IGSF11: variants seen among roughly 807,000 people sequenced by gnomAD.
IGSF11 encodes CXADR like 1.
A neutral mutation model predicts 41.0 loss-of-function variants in IGSF11; 22 were observed. The ratio of observed to expected loss-of-function variants is 0.54; its 90% CI spans 0.38 to 0.77. The LOEUF is 0.77. Ranked by LOEUF, IGSF11 falls within the 30% of genes least tolerant of loss-of-function variation. The pLI, the probability that IGSF11 is intolerant of heterozygous loss-of-function variation, is 0.00. For synonymous variants in IGSF11, 219 were observed against 201.3 expected (o/e 1.09, Z -0.74); for missense variants, 444 against 530.8 (o/e 0.84, Z 1.61).
At chr3:119,108,432 T>G (rs1482963865), upstream of IGSF11, among the ~76,000 whole-genome samples, 3 of 149,880 alleles carry the variant, frequency 2.0e-5, no homozygotes, top group Admixed American at 6.7e-5. Context: ...TTTTGTACAT[T>G]GATTTTGTAT....
intron 1 of IGSF11, among the ~76,000 whole-genome samples, chr3:118,933,470 T>TA (rs59418588): frequency 0.27 from 39,370 of 145,958 alleles, 6,119 homozygotes; most frequent in South Asian, 0.42. Context: ...CATGTATTTT[T>TA]TATATATATA....
chr3:118,996,239 T>C (rs1305552420), intron 1 of IGSF11, among the ~76,000 whole-genome samples: 1 of 152,206 alleles, frequency 6.6e-6, no homozygotes, highest in Non-Finnish European at 1.5e-5. Context: ...GTGTTAGCAG[T>C]TTCATATCTC....
intron 1 of IGSF11, among the ~76,000 whole-genome samples, chr3:118,998,856 G>A (rs1193051644): frequency 1.3e-5 from 2 of 151,968 alleles, no homozygotes; most frequent in African/African-American, 2.4e-5. Flanking sequence ...CCTTTACATT[G>A]TAAAACAGTA....
intron 1 of IGSF11, among the ~76,000 whole-genome samples, chr3:118,946,208 A>G (rs1200451240): frequency 1.5e-5 from 2 of 137,194 alleles, no homozygotes; most frequent in Non-Finnish European, 3.3e-5. Context: ...ACACACGCAC[A>G]CACACACACA....
At position 119,123,304 on chromosome 3, in the gene IGSF11, T is replaced by C. The variant is rs1451212740; in HGVS notation, c.-13-18099A>G. Among the ~76,000 whole-genome samples the C allele has an allele frequency of 2.6e-5, 4 of 152,188 alleles. No individual in the cohort carries two copies. The East Asian group carries it at 7.7e-4, about 29-fold the overall frequency. ...AAGAATGGGAAGGACTATGTCTTGT[T>C]GTTTGAGTGCCAGCTCAACAGCAGT... is the stretch of plus-strand genomic sequence containing the variant. On this transcript the variant is annotated intron_variant, in intron 1 of 7. Coordinates refer to the IGSF11 transcript ENST00000425327.
intron 1 of IGSF11, among the ~76,000 whole-genome samples, chr3:118,971,509 T>C (rs569090726): frequency 3.7e-4 from 57 of 152,066 alleles, no homozygotes; most frequent in Admixed American, 3.3e-3. Context: ...ATAAACGATA[T>C]GAAAGTATAG....
chr3:119,040,613 ATTAT>A (rs1941083486), intron 1 of IGSF11, among the ~76,000 whole-genome samples: 1 of 152,238 alleles, frequency 6.6e-6, no homozygotes, highest in Admixed American at 6.5e-5. Flanking sequence ...AACATAGTCA[ATTAT>A]TTTAATAATC....
intron 1 of IGSF11, among the ~76,000 whole-genome samples, chr3:119,093,747 T>A (rs1343627038): frequency 6.6e-6 from 1 of 152,196 alleles, no homozygotes. Context: ...CAGTAAACCA[T>A]TTGCCTTTGA....
intron 1 of IGSF11, among the ~76,000 whole-genome samples, chr3:118,941,054 G>A (rs1407991620): frequency 6.6e-6 from 1 of 151,880 alleles, no homozygotes; most frequent in Non-Finnish European, 1.5e-5. Context: ...CTCTGGGTTA[G>A]AAAAAGCCTT....
At position 119,045,039 on chromosome 3, in the gene IGSF11, G is replaced by A. The variant is rs111615698; in HGVS notation, c.49+60105C>T. ...AACAATCAGCATGATGAATAGAACA[G>A]TACCTCACATCTCAATACTAACACT... is the stretch of plus-strand genomic sequence containing the variant. On this transcript the variant is annotated intron_variant, in intron 1 of 6. Transcript: ENST00000354673. Among the ~76,000 whole-genome samples the A allele has an allele frequency of 8.5e-3, 1,299 of 152,256 alleles. 26 individuals carry two copies. The highest frequency in any genetic ancestry group is 0.029 in the African/African-American group (1,221 of 41,542).
chr3:119,044,737 C>T (rs1941252159), intron 1 of IGSF11, among the ~76,000 whole-genome samples: 1 of 152,182 alleles, frequency 6.6e-6, no homozygotes. Context: ...ATCCTGCAAG[C>T]CAAAAGGATC....
intron 1 of IGSF11, among the ~76,000 whole-genome samples, chr3:118,933,118 G>C (rs1308120414): frequency 6.6e-6 from 1 of 152,170 alleles, no homozygotes; most frequent in Non-Finnish European, 1.5e-5. Flanking sequence ...TTTTACATAA[G>C]GTCAATCCTA....
At chr3:118,920,651 A>C (rs1295150439) in intron 4 of IGSF11, among the ~76,000 whole-genome samples, 3 of 152,142 alleles carry the variant, frequency 2.0e-5, no homozygotes, top group Non-Finnish European at 2.9e-5. Context: ...GAAATATAAC[A>C]AGCTTGTAAG....
At chr3:119,029,302 G>A (rs1940170254) in intron 1 of IGSF11, among the ~76,000 whole-genome samples, 1 of 151,716 alleles carries the variant, frequency 6.6e-6, no homozygotes, top group Non-Finnish European at 1.5e-5. Context: ...ATGCGAGAGA[G>A]AGAGCGGGCA....
chr3:119,076,843 T>C (rs571833798), intron 1 of IGSF11, among the ~76,000 whole-genome samples: 1 of 152,260 alleles, frequency 6.6e-6, no homozygotes, highest in African/African-American at 2.4e-5. Context: ...AGTTCAACCA[T>C]TGTGGAAGAC....
intron 4 of IGSF11, among the ~76,000 whole-genome samples, chr3:118,909,523 T>C (rs987050134): frequency 6.6e-6 from 1 of 152,092 alleles, no homozygotes; most frequent in African/African-American, 2.4e-5. Flanking sequence ...AAAGATAAAT[T>C]TAAAATATAA....
At chr3:119,001,988 G>A (rs1936941245) in intron 1 of IGSF11, among the ~76,000 whole-genome samples, 1 of 131,882 alleles carries the variant, frequency 7.6e-6, no homozygotes, top group East Asian at 2.1e-4. Flanking sequence ...TATATACCCA[G>A]TAATGGGATG....
intron 3 of IGSF11, among the ~76,000 whole-genome samples, chr3:118,928,209 T>G (rs1460615680): frequency 6.6e-6 from 1 of 152,198 alleles, no homozygotes; most frequent in Admixed American, 6.5e-5. Context: ...AACAATAAGT[T>G]CTGTACTGTA....
chr3:119,029,582 C>T (rs1940202155), intron 1 of IGSF11, among the ~76,000 whole-genome samples: 1 of 152,032 alleles, frequency 6.6e-6, no homozygotes, highest in South Asian at 2.1e-4. Flanking sequence ...GTAACATCTT[C>T]CAAAGTGGAA....
Sources: gnomAD v4.1 joint callset for allele counts (sites outside exome capture counted in the v4.1 genomes callset) on GRCh38, gnomAD v4.1.1 for gene constraint, MANE v1.5 for transcripts, NCBI Gene and HGNC (gene_info 2026-07-23, HGNC 2026-07-21) for gene names.